The following VWF variants were observed in gnomAD, a reference collection of about 807,000 sequenced individuals.
The protein encoded by VWF is von Willebrand factor.
Under a neutral mutation model 308.6 loss-of-function variants are expected in VWF, and 176 were observed. That is an observed-to-expected ratio of 0.57 (90% CI 0.50 to 0.65). VWF has a LOEUF of 0.65. VWF is among the 30% of genes least tolerant of loss of function. The pLI is 0.00. For synonymous variants in VWF, 1,385 were observed against 1,443.4 expected (o/e 0.96, Z 0.92); for missense variants, 3,146 against 3,648.2 (o/e 0.86, Z 3.55).
intron 37 of VWF, among the ~76,000 whole-genome samples, chr12:5,992,936 C>T (rs1943762172): frequency 6.6e-6 from 1 of 152,208 alleles, no homozygotes; most frequent in African/African-American, 2.4e-5. Flanking sequence ...GAGGCAGTAT[C>T]ATCCACATGG....
At chr12:5,975,859 C>T (rs1943526638) in intron 43 of VWF, among the ~76,000 whole-genome samples, 1 of 152,116 alleles carries the variant, frequency 6.6e-6, no homozygotes, top group Non-Finnish European at 1.5e-5. Flanking sequence ...TCTTACCCAG[C>T]CCTAACCCCC....
chr12:6,124,185 T>C (rs1312696008), intron 1 of VWF, among the ~76,000 whole-genome samples: 1 of 152,026 alleles, frequency 6.6e-6, no homozygotes, highest in Admixed American at 6.6e-5. Context: ...TCCAACTCAT[T>C]TGAGTGAAGT....
chr12:5,956,753 GT>G (rs1943256225), intron 47 of VWF, among the ~76,000 whole-genome samples: 1 of 152,166 alleles, frequency 6.6e-6, no homozygotes, highest in East Asian at 1.9e-4. Flanking sequence ...ATGTGTTTGT[GT>G]TTTAAGCTAA....
intron 5 of VWF, among the ~76,000 whole-genome samples, chr12:6,103,470 A>ATGTGTGTATATACACATATG (rs1945202843): frequency 8.1e-6 from 1 of 122,868 alleles, no homozygotes; most frequent in Non-Finnish European, 1.6e-5. Flanking sequence ...ATATACACAT[A>ATGTGTGTATATACACATATG]TGTGTGTATA....
At chr12:6,028,324 T>C (rs1196991247) in intron 22 of VWF, among the ~76,000 whole-genome samples, 1 of 152,224 alleles carries the variant, frequency 6.6e-6, no homozygotes. Context: ...GTTATACTAA[T>C]ATTGTGCATG....
chr12:6,096,972 T>C (rs535512087), intron 5 of VWF, among the ~76,000 whole-genome samples: 2 of 152,018 alleles, frequency 1.3e-5, no homozygotes, highest in African/African-American at 2.4e-5. Flanking sequence ...GGGGGTTTGA[T>C]AGGCAGAAAA....
At chr12:6,094,664 G>T (rs1945085037) in intron 6 of VWF, among the ~76,000 whole-genome samples, 1 of 152,122 alleles carries the variant, frequency 6.6e-6, no homozygotes, top group Admixed American at 6.6e-5. Context: ...TTCGTGAATG[G>T]ATTAGTGCTC....
intron 26 of VWF, 84 bp downstream of exon 26, chr12:6,022,655 CT>C (rs1031219566): frequency 1.6e-5 from 5 of 310,166 alleles, no homozygotes; most frequent in Admixed American, 4.9e-5. Flanking sequence ...CAGGTGGAGG[CT>C]GAGATGAAGC....
At chr12:6,077,289 T>G (rs1003901198) in intron 6 of VWF, among the ~76,000 whole-genome samples, 1 of 152,238 alleles carries the variant, frequency 6.6e-6, no homozygotes, top group Non-Finnish European at 1.5e-5. Flanking sequence ...CACTTCAGCC[T>G]GGGTGACAGA....
At chr12:6,077,596 C>G (rs1944860136) in intron 6 of VWF, among the ~76,000 whole-genome samples, 1 of 152,194 alleles carries the variant, frequency 6.6e-6, no homozygotes, top group Non-Finnish European at 1.5e-5. Flanking sequence ...AGAAGAGTGT[C>G]CCAGAGTGAG....
intron 40 of VWF, among the ~76,000 whole-genome samples, chr12:5,984,158 C>T (rs1316007221): frequency 2.0e-5 from 3 of 152,152 alleles, no homozygotes; most frequent in Non-Finnish European, 4.4e-5. Flanking sequence ...GGGAACTCTA[C>T]CTTATAGGAT....
At position 6,083,564 on chromosome 12, in the gene VWF, C is replaced by CA. The variant is rs1315836020; in HGVS notation, c.658-8014dup. Among the ~76,000 whole-genome samples, 4 of 151,832 alleles carry CA rather than the reference C, an allele frequency of 2.6e-5. No homozygotes were observed. The East Asian group carries it at 5.8e-4, about 22-fold the overall frequency. On this transcript the variant is annotated intron_variant, in intron 6 of 51. Coordinates refer to ENST00000261405, the MANE Select transcript of VWF (RefSeq NM_000552.5). Reference sequence around the variant, plus strand: ...TGGGCAAGAGAGCGAGACTCCGTCGCAAAAAACAAAAAAGAAAAGGAAAAT... The same window carrying CA: ...TGGGCAAGAGAGCGAGACTCCGTCGCAAAAAAACAAAAAAGAAAAGGAAAAT...
intron 34 of VWF, among the ~76,000 whole-genome samples, chr12:5,996,725 C>T (rs1236753958): frequency 2.9e-5 from 4 of 139,834 alleles, no homozygotes; most frequent in African/African-American, 8.2e-5. Context: ...CTTAAGAGAT[C>T]GCACAGGAGA....
chr12:5,997,743 ACTTGAGGTC>A (rs1442143980), intron 34 of VWF, among the ~76,000 whole-genome samples: 2 of 152,202 alleles, frequency 1.3e-5, no homozygotes, highest in Non-Finnish European at 2.9e-5. Context: ...GTATAGTAAA[ACTTGAGGTC>A]CTTCCATCTC....
chr12:5,978,320 T>C (rs1943554520), intron 42 of VWF, among the ~76,000 whole-genome samples: 1 of 152,144 alleles, frequency 6.6e-6, no homozygotes, highest in Admixed American at 6.5e-5. Context: ...CAGAGTGCAA[T>C]GGCACAATCT....
chr12:6,090,247 G>A (rs774377448), intron 6 of VWF, among the ~76,000 whole-genome samples: 62 of 152,124 alleles, frequency 4.1e-4, no homozygotes, highest in Admixed American at 1.2e-3. Context: ...GTGAGCCACC[G>A]TGCCCGGCCG....
chr12:6,080,511 C>T (rs911348895), intron 6 of VWF, among the ~76,000 whole-genome samples: 1 of 152,186 alleles, frequency 6.6e-6, no homozygotes, highest in Non-Finnish European at 1.5e-5. Context: ...CTGCACAGGG[C>T]CCTGGATGCA....
intron 34 of VWF, among the ~76,000 whole-genome samples, chr12:6,004,472 T>C (rs1943905989): frequency 1.3e-5 from 2 of 151,830 alleles, no homozygotes; most frequent in African/African-American, 4.8e-5. Flanking sequence ...TGTGTGTGCG[T>C]GTGTGTGTGT....
At chr12:5,951,002 A>G (rs57378434) in intron 50 of VWF, among the ~76,000 whole-genome samples, 25,968 of 152,182 alleles carry the variant, frequency 0.17, 2,427 homozygotes, top group Middle Eastern at 0.22. Context: ...GAACACTGAA[A>G]GTATTCATGT....
Sources: gnomAD v4.1 joint callset for allele counts (sites outside exome capture counted in the v4.1 genomes callset) on GRCh38, gnomAD v4.1.1 for gene constraint, MANE v1.5 for transcripts, NCBI Gene and HGNC (gene_info 2026-07-23, HGNC 2026-07-21) for gene names.